The following MMP26 variants were observed in gnomAD, a reference collection of about 807,000 sequenced individuals.
The protein encoded by MMP26 is matrix metalloproteinase-26.
Under a neutral mutation model 31.0 loss-of-function variants are expected in MMP26, and 33 were observed. That is an observed-to-expected ratio of 1.06 (90% CI 0.81 to 1.42). MMP26 has a LOEUF of 1.42. Among genes scored for constraint, MMP26 ranks in the 40% most tolerant of loss-of-function variants. MMP26 has a pLI of 0.00. For missense variants in MMP26, 347 were observed against 316.1 expected (o/e 1.10, Z -0.74); for synonymous variants, 122 against 114.9 (o/e 1.06, Z -0.40).
chr11:4,714,920 T>TCTCTCTCTCA (rs376354906), intron 1 of MMP26, among the ~76,000 whole-genome samples: 5 of 141,696 alleles, frequency 3.5e-5, no homozygotes, highest in African/African-American at 1.4e-4. Flanking sequence ...TCTCTCTCTC[T>TCTCTCTCTCA]CACACACACA....
At chr11:4,718,773 G>A in intron 1 of MMP26, 2 of 158,418 alleles carry the variant, frequency 1.3e-5, no homozygotes, top group Non-Finnish European at 1.4e-5. Context: ...TCGTTACTCA[G>A]CCCAGCCTCC....
intron 2 of MMP26, among the ~76,000 whole-genome samples, chr11:4,782,276 T>C (rs184393489): frequency 7.9e-5 from 12 of 152,306 alleles, no homozygotes; most frequent in African/African-American, 2.4e-4. Flanking sequence ...AAACCCAGGC[T>C]GAGGTGGTCT....
intron 2 of MMP26, among the ~76,000 whole-genome samples, chr11:4,817,794 G>A (rs948790481): frequency 1.3e-5 from 2 of 152,152 alleles, no homozygotes; most frequent in South Asian, 2.1e-4. Flanking sequence ...CAAGTCCCAA[G>A]GGTCTCTTGG....
At chr11:4,915,263 G>T (rs148695983) in intron 2 of MMP26, 5 of 1,613,856 alleles carry the variant, frequency 3.1e-6, no homozygotes, top group Non-Finnish European at 4.2e-6. Flanking sequence ...ATAGTGCAAG[G>T]GGTGGCAGAT....
At chr11:4,725,511 A>T (rs1330461317) in intron 1 of MMP26, among the ~76,000 whole-genome samples, 1 of 152,190 alleles carries the variant, frequency 6.6e-6, no homozygotes, top group Non-Finnish European at 1.5e-5. Flanking sequence ...TTTGTTGAGA[A>T]TTTCTTTTCT....
chr11:4,946,026 C>T (rs796513773), intron 2 of MMP26: 7 of 821,300 alleles, frequency 8.5e-6, no homozygotes, highest in Non-Finnish European at 1.4e-5. Flanking sequence ...TCGCAGTATC[C>T]AGAGTGAATA....
In MMP26 at chr11:4,914,751, G is replaced by A. The variant is rs182708573; in HGVS notation, c.-144-73317G>A. 8.3e-5 allele frequency: 134 copies of A among 1,613,322 alleles called. 1 individual carries two copies. Among genetic ancestry groups the A allele is most frequent in the Middle Eastern group, 1.7e-4 (1 of 6,060 alleles). On this transcript the variant is annotated intron_variant, in intron 2 of 7. Coordinates refer to ENST00000380390, the MANE Select transcript of MMP26 (RefSeq NM_021801.5). ...CAAAAGGCATGCGTCACTCGATCCC[G>A]GATCTGTTTGGTCTTCACACTGTAG...
At chr11:4,917,194 A>T (rs1317560104) in intron 2 of MMP26, among the ~76,000 whole-genome samples, 1 of 152,184 alleles carries the variant, frequency 6.6e-6, no homozygotes, top group Non-Finnish European at 1.5e-5. Flanking sequence ...GCTAACTAAT[A>T]GTAACTTGGT....
Position 4,988,249 on chromosome 11 carries a change from C to G in MMP26, c.38C>G (p.Pro13Arg). The G allele has an allele frequency of 6.2e-7, 1 of 1,613,994 alleles. No individual in the cohort carries two copies. The highest frequency in any genetic ancestry group is 2.2e-5 in the East Asian group (1 of 44,854). ...ATCTTAAGAGTTACTATCTTCTTGC[C>G]CTGGTGTTTCGCCGTTCCAGTGCCC... ...LVILRVTIFL[P>R]WCFAVPVPPA... Residue 13 changes from proline (P) to arginine (R), a missense_variant, in exon 3 of 8, where the codon CCC becomes CGC. Pro to Arg is a moderately radical substitution (Grantham distance 103). Coordinates refer to ENST00000380390, the MANE Select transcript of MMP26 (RefSeq NM_021801.5).
intron 1 of MMP26, chr11:4,723,516 G>A (rs1191308678): frequency 1.9e-5 from 23 of 1,187,912 alleles, no homozygotes. Flanking sequence ...GCTGCCTGAG[G>A]AAGTTGATCT....
chr11:4,769,564 C>A, intron 2 of MMP26: 1 of 1,613,124 alleles, frequency 6.2e-7, no homozygotes, highest in Non-Finnish European at 8.5e-7. Flanking sequence ...AGGCTGTAGC[C>A]ACCAGCACTC....
At chr11:4,853,923 T>A (rs902768798) in intron 2 of MMP26, among the ~76,000 whole-genome samples, 5 of 152,130 alleles carry the variant, frequency 3.3e-5, no homozygotes, top group Non-Finnish European at 7.4e-5. Flanking sequence ...AAAAAAAAAA[T>A]TCTGCACTGT....
chr11:4,774,054 G>A (rs1848760525), intron 2 of MMP26, among the ~76,000 whole-genome samples: 1 of 152,146 alleles, frequency 6.6e-6, no homozygotes, highest in East Asian at 1.9e-4. Flanking sequence ...GGGCATTTGG[G>A]TTAACTCCAT....
chr11:4,907,353 C>A, intron 2 of MMP26: 2 of 1,439,716 alleles, frequency 1.4e-6, no homozygotes, highest in Admixed American at 1.8e-5. Context: ...GGCTAACGAG[C>A]TCATATCTCC....
At chr11:4,787,190 T>C (rs1181543562) in intron 2 of MMP26, 5 of 152,498 alleles carry the variant, frequency 3.3e-5, no homozygotes, top group African/African-American at 1.2e-4. Flanking sequence ...ATTCTAAAGA[T>C]TGGTGTAGCA....
At chr11:4,708,043 C>T (rs1336251725) in intron 1 of MMP26, among the ~76,000 whole-genome samples, 1 of 152,124 alleles carries the variant, frequency 6.6e-6, no homozygotes, top group Non-Finnish European at 1.5e-5. Context: ...TTCACTGATC[C>T]TGTGACTTCA....
chr11:4,802,177 T>G (rs1849192239), intron 2 of MMP26, among the ~76,000 whole-genome samples: 1 of 152,220 alleles, frequency 6.6e-6, no homozygotes, highest in African/African-American at 2.4e-5. Flanking sequence ...CTTAACTAAT[T>G]AATGTCTATA....
intron 2 of MMP26, chr11:4,822,544 C>A: frequency 1.9e-6 from 1 of 524,504 alleles, no homozygotes; most frequent in Non-Finnish European, 3.0e-6. Context: ...ATGTCATTGC[C>A]AACTAAATTA....
At chr11:4,774,943 T>C (rs186183568) in intron 2 of MMP26, among the ~76,000 whole-genome samples, 2 of 152,148 alleles carry the variant, frequency 1.3e-5, no homozygotes, top group South Asian at 4.1e-4. Context: ...GTTGTAGATA[T>C]GTGATCTTAT....
Sources: allele counts gnomAD v4.1 joint callset (sites outside exome capture counted in the v4.1 genomes callset), GRCh38; gene constraint gnomAD v4.1.1; transcripts MANE v1.5; gene names NCBI Gene and HGNC (gene_info 2026-07-23, HGNC 2026-07-21).